RNF19A: variants seen among roughly 807,000 people sequenced by gnomAD.
RNF19A encodes the protein ring finger protein 19A, RBR E3 ubiquitin protein ligase.
In RNF19A, 32 loss-of-function variants were observed where a neutral mutation model predicts 75.7. That is an observed-to-expected ratio of 0.42 (90% confidence interval 0.32 to 0.57). RNF19A has a LOEUF of 0.57. Ranked by LOEUF, RNF19A falls within the 20% of genes least tolerant of loss-of-function variation. The pLI is 0.10. For missense variants in RNF19A, 782 were observed against 1,036.3 expected (o/e 0.75, Z 3.37); for synonymous variants, 335 against 345.2 (o/e 0.97, Z 0.33).
At chr8:100,301,146 C>G (rs1821808497) in intron 1 of RNF19A, among the ~76,000 whole-genome samples, 2 of 152,224 alleles carry the variant, frequency 1.3e-5, no homozygotes, top group Admixed American at 1.3e-4. Flanking sequence ...AGTCACATTT[C>G]AAATGCTCTA....
rs1257913924 is a variant in RNF19A at position 100,329,690 on chromosome 8, T to C, written c.-243+6418A>G. Among the ~76,000 whole-genome samples, 3 of 152,180 alleles carry C rather than the reference T, an allele frequency of 2.0e-5. No individual in the cohort carries two copies. The highest frequency in any genetic ancestry group is 7.2e-5 in the African/African-American group (3 of 41,442). ...CCTGATATGTGGTCAAAAGAACTGGTTGTACTTGGCTAAGAGAGAAAAGAC... is the reference window on the plus strand; with the variant it reads ...CCTGATATGTGGTCAAAAGAACTGGCTGTACTTGGCTAAGAGAGAAAAGAC... On this transcript the variant is annotated intron_variant, in intron 1 of 3. Coordinates refer to the RNF19A transcript ENST00000519527. The surrounding 1 kb of genome is among the most constrained non-coding windows in gnomAD (Gnocchi z 4.3).
chr8:100,264,081 A>G lies in RNF19A; in HGVS notation c.1421T>C (p.Phe474Ser), dbSNP rs1251563124. 1 of 1,613,714 alleles carries G rather than the reference A, an allele frequency of 6.2e-7. No homozygotes were observed. The change falls in exon 7 of 10, where the codon TTT (phenylalanine) becomes TCT (serine). Residue 474 changes from phenylalanine to serine, a missense_variant. Transcript: ENST00000341084. The surrounding 1 kb of genome is among the most constrained non-coding windows in gnomAD (Gnocchi z 4.7). Reference sequence around the variant, plus strand: ...AACATTTATATCATTTTCATCATCAAATTCAATCCTAACTCCTTTTCCATT... The same window carrying G: ...AACATTTATATCATTTTCATCATCAGATTCAATCCTAACTCCTTTTCCATT... ...AGNGKGVRIE[F>S]DDENDINVGG...
At chr8:100,311,515 G>A (rs990177850), upstream of RNF19A, among the ~76,000 whole-genome samples, 6 of 151,918 alleles carry the variant, frequency 3.9e-5, no homozygotes, top group African/African-American at 4.8e-5. Flanking sequence ...TCAGGAGATC[G>A]AGACCATCCT....
intron 1 of RNF19A, among the ~76,000 whole-genome samples, chr8:100,334,917 G>A (rs1453213792): frequency 6.6e-6 from 1 of 152,186 alleles, no homozygotes; most frequent in African/African-American, 2.4e-5. Context: ...TTTCAGTCTA[G>A]GCACCAAGAT....
chr8:100,276,455 T>C (rs143385273), intron 2 of RNF19A, among the ~76,000 whole-genome samples: 1 of 151,792 alleles, frequency 6.6e-6, no homozygotes, highest in East Asian at 2.0e-4. Flanking sequence ...CATGTGATTA[T>C]AAGAGAGCAA....
chr8:100,297,057 ATAT>A (rs1563860351), intron 1 of RNF19A, among the ~76,000 whole-genome samples: 1 of 152,234 alleles, frequency 6.6e-6, no homozygotes, highest in African/African-American at 2.4e-5. Context: ...GTCCATAAAG[ATAT>A]TATAATGCTA....
In RNF19A at chr8:100,288,193, T is replaced by G; in HGVS notation, c.-19A>C. 1 of 1,573,696 alleles carries G rather than the reference T, an allele frequency of 6.4e-7. No individual in the cohort carries two copies. Among genetic ancestry groups the G allele is most frequent in the Non-Finnish European group, 8.6e-7 (1 of 1,159,950 alleles). On this transcript the variant is annotated 5_prime_UTR_variant, in exon 2 of 10. Coordinates refer to ENST00000341084, the MANE Select transcript of RNF19A (RefSeq NM_183419.4). ...CTTGCATTCACATTAAGTCATGATG[T>G]AAGAATATCCTACTTGGTTCCTTCA...
intron 3 of RNF19A, among the ~76,000 whole-genome samples, chr8:100,271,817 T>C (rs1007746027): frequency 6.6e-6 from 1 of 152,166 alleles, no homozygotes; most frequent in African/African-American, 2.4e-5. Flanking sequence ...TAGGATGATA[T>C]ATTTCTCTCC....
chr8:100,271,393 C>T (rs1178052493), intron 3 of RNF19A, among the ~76,000 whole-genome samples: 2 of 152,172 alleles, frequency 1.3e-5, no homozygotes, highest in East Asian at 3.8e-4. Flanking sequence ...GGCTTTTATG[C>T]CTGATACAAC....
chr8:100,316,077 C>T (rs563621904), intron 1 of RNF19A, among the ~76,000 whole-genome samples: 100 of 151,948 alleles, frequency 6.6e-4, no homozygotes, highest in South Asian at 2.9e-3. Flanking sequence ...CAGATGTGTT[C>T]GGAGTTTCTT....
chr8:100,316,527 T>TA (rs1303105439), intron 1 of RNF19A, among the ~76,000 whole-genome samples: 1 of 152,098 alleles, frequency 6.6e-6, no homozygotes, highest in Non-Finnish European at 1.5e-5. Flanking sequence ...ATTAGTTAGA[T>TA]ACAGAGTATC....
intron 2 of RNF19A, among the ~76,000 whole-genome samples, chr8:100,281,596 A>G (rs1373993505): frequency 2.6e-5 from 4 of 152,198 alleles, no homozygotes; most frequent in Non-Finnish European, 4.4e-5. Flanking sequence ...ATGTAATCCT[A>G]AGAAAGACAT....
rs1394810604 is a variant in RNF19A at position 100,325,454 on chromosome 8, G to A, written c.-243+10654C>T. On this transcript the variant is annotated intron_variant, in intron 1 of 3. Coordinates refer to the RNF19A transcript ENST00000519527. The surrounding 1 kb of genome is among the most constrained non-coding windows in gnomAD (Gnocchi z 4.3). The stretch of plus-strand genomic sequence containing the variant: ...GGCCAGTTTCATGATCTCTGATGCT[G>A]GTGAGACCACACCTTGTCACCTCTA... Among the ~76,000 whole-genome samples the A allele has an allele frequency of 6.6e-6, 1 of 152,112 alleles. No homozygotes were observed. The highest frequency in any genetic ancestry group is 1.5e-5 in the Non-Finnish European group (1 of 68,008).
intron 3 of RNF19A, among the ~76,000 whole-genome samples, chr8:100,273,684 A>G (rs1820365119): frequency 6.6e-6 from 1 of 152,210 alleles, no homozygotes; most frequent in South Asian, 2.1e-4. Flanking sequence ...TGGTTTCTCT[A>G]AGGTCCCCTA....
chr8:100,288,015 G>T lies in RNF19A; in HGVS notation c.160C>A (p.Pro54Thr). 2 of 1,614,106 alleles carry T rather than the reference G, an allele frequency of 1.2e-6. No homozygotes were observed. Among genetic ancestry groups the T allele is most frequent in the Non-Finnish European group, 1.7e-6 (2 of 1,180,018 alleles). ...TTTTTGGGTGCCTTTTTGACTGAAGGCAAGCTCACAGATGAAGCAGAGGAC... is the reference window on the plus strand; with the variant it reads ...TTTTTGGGTGCCTTTTTGACTGAAGTCAAGCTCACAGATGAAGCAGAGGAC... ...LQSSASSVSL[P>T]SVKKAPKKRR... The change falls in exon 2 of 10, where the codon CCT (proline) becomes ACT (threonine). Residue 54 changes from proline to threonine, a missense_variant. Transcript: ENST00000341084.
intron 1 of RNF19A, among the ~76,000 whole-genome samples, chr8:100,296,157 T>G (rs1165024617): frequency 6.9e-6 from 1 of 144,252 alleles, no homozygotes; most frequent in Non-Finnish European, 1.6e-5. Context: ...TAGGCTAGAG[T>G]GCAGTGGCAT....
In RNF19A at chr8:100,325,069, G is replaced by A. The variant is rs1459273847; in HGVS notation, c.-243+11039C>T. On this transcript the variant is annotated intron_variant, in intron 1 of 3. Coordinates refer to the RNF19A transcript ENST00000519527. The surrounding 1 kb of genome is among the most constrained non-coding windows in gnomAD (Gnocchi z 4.3). ...TTACAGGTGCCTACCACCACAACCG[G>A]CTAATTTTTTGTATTTTTAGTAGAG... Among the ~76,000 whole-genome samples the A allele has an allele frequency of 2.6e-5, 4 of 151,942 alleles. No homozygotes were observed. The highest frequency in any genetic ancestry group is 6.6e-5 in the Admixed American group (1 of 15,260).
intron 1 of RNF19A, among the ~76,000 whole-genome samples, chr8:100,296,967 T>C (rs772867699): frequency 6.6e-6 from 1 of 152,148 alleles, no homozygotes; most frequent in Non-Finnish European, 1.5e-5. Context: ...CAGTAACCCA[T>C]CACATGTATT....
Position 100,265,276 on chromosome 8 carries a change from T to C in RNF19A, c.1192-491A>G, listed in dbSNP as rs138812262. 2.1e-4 allele frequency among the ~76,000 whole-genome samples: 32 copies of C among 152,296 alleles called. No homozygotes were observed. The East Asian group carries it at 6.0e-3, about 28-fold the overall frequency. ...CTAATAAACAAGTATGAATAAACAG[T>C]ATTATTTTTTTCTCAGATCCTTTTT... On this transcript the variant is annotated intron_variant, in intron 5 of 9. Transcript: ENST00000341084.
Sources: allele counts gnomAD v4.1 joint callset (sites outside exome capture counted in the v4.1 genomes callset), GRCh38; gene constraint gnomAD v4.1.1; non-coding constraint Gnocchi (gnomAD v3.1); transcripts MANE v1.5; gene names NCBI Gene and HGNC (gene_info 2026-07-23, HGNC 2026-07-21).